PXT1: variants seen among roughly 807,000 people sequenced by gnomAD.
PXT1 encodes the protein peroxisomal testis enriched protein 1.
In PXT1, 11 loss-of-function variants were observed where a neutral mutation model predicts 11.0. The ratio of observed to expected loss-of-function variants is 1.00; its 90% CI spans 0.63 to 1.66. The LOEUF (loss-of-function observed/expected upper bound fraction) is 1.66. PXT1 is among the 40% of genes most tolerant of loss of function. The pLI is 0.00. For synonymous variants in PXT1, 43 were observed against 51.4 expected, an observed-to-expected ratio of 0.84 and a Z score of 0.70; for missense variants, 141 against 155.5, an observed-to-expected ratio of 0.91 and a Z score of 0.49.
chr6:36,434,468 GA>G (rs1282387500), intron 2 of PXT1, among the ~76,000 whole-genome samples: 2 of 152,262 alleles, frequency 1.3e-5, no homozygotes, highest in East Asian at 1.9e-4. Flanking sequence ...ATGTCTCTAA[GA>G]ATTGTGGCCT....
chr6:36,442,375 A>T (rs1338094296), intron 1 of PXT1, among the ~76,000 whole-genome samples, 160 bp downstream of exon 1: 1 of 152,162 alleles, frequency 6.6e-6, no homozygotes, highest in East Asian at 1.9e-4. Flanking sequence ...CCGTGACAAT[A>T]AGAACTTCCT....
chr6:36,426,622 A>C (rs1450480716), intron 2 of PXT1, among the ~76,000 whole-genome samples: 1 of 152,070 alleles, frequency 6.6e-6, no homozygotes, highest in African/African-American at 2.4e-5. Context: ...CGCCTGCCTC[A>C]GCCTCCCAAA....
intron 2 of PXT1, among the ~76,000 whole-genome samples, 183 bp downstream of exon 2, chr6:36,438,584 G>A (rs776838055): frequency 2.8e-4 from 43 of 152,068 alleles, no homozygotes; most frequent in Non-Finnish European, 4.4e-4. Flanking sequence ...CACCACGCCC[G>A]GCTAATTGTT....
intron 3 of PXT1, among the ~76,000 whole-genome samples, chr6:36,403,062 G>T (rs544415110): frequency 2.0e-5 from 3 of 151,496 alleles, no homozygotes; most frequent in South Asian, 2.1e-4. Flanking sequence ...GTTTCACCAT[G>T]TTGGCCGGAG....
At chr6:36,408,637 G>C (rs1230049434) in intron 3 of PXT1, among the ~76,000 whole-genome samples, 2 of 150,006 alleles carry the variant, frequency 1.3e-5, no homozygotes, top group Non-Finnish European at 3.0e-5. Context: ...AGGCTGTTGG[G>C]GGAGGATCCC....
chr6:36,424,861 A>G (rs1339187135), intron 3 of PXT1, among the ~76,000 whole-genome samples: 1 of 152,082 alleles, frequency 6.6e-6, no homozygotes, highest in Non-Finnish European at 1.5e-5. Context: ...CCGGGCATGC[A>G]GTGAACCGAG....
intron 3 of PXT1, among the ~76,000 whole-genome samples, chr6:36,424,915 A>G (rs186573314): frequency 6.6e-6 from 1 of 152,194 alleles, no homozygotes; most frequent in African/African-American, 2.4e-5. Flanking sequence ...GTGAGACTCT[A>G]TCTCAAAAAA....
At chr6:36,431,063 C>T (rs746021150) in intron 2 of PXT1, among the ~76,000 whole-genome samples, 2 of 152,120 alleles carry the variant, frequency 1.3e-5, no homozygotes, top group East Asian at 1.9e-4. Flanking sequence ...TGATACACCC[C>T]CCTCGGCCTC....
At chr6:36,437,320 T>A (rs1774779906) in intron 2 of PXT1, among the ~76,000 whole-genome samples, 1 of 151,456 alleles carries the variant, frequency 6.6e-6, no homozygotes, top group Non-Finnish European at 1.5e-5. Context: ...AAAACCCAAA[T>A]TTAATAGGTA....
At chr6:36,441,573 G>GA (rs1774865494) in intron 1 of PXT1, among the ~76,000 whole-genome samples, 1 of 152,136 alleles carries the variant, frequency 6.6e-6, no homozygotes, top group African/African-American at 2.4e-5. Context: ...GAAGTGCTGG[G>GA]AGGGCAGAGC....
At chr6:36,428,027 G>GGGCA (rs1223995421) in intron 2 of PXT1, among the ~76,000 whole-genome samples, 9 of 152,250 alleles carry the variant, frequency 5.9e-5, no homozygotes, top group Admixed American at 5.9e-4. Context: ...TTAGTGCCTT[G>GGGCA]GGCAGCCTGG....
At chr6:36,423,451 G>T (rs1367198754) in intron 3 of PXT1, among the ~76,000 whole-genome samples, 1 of 152,236 alleles carries the variant, frequency 6.6e-6, no homozygotes, top group Non-Finnish European at 1.5e-5. Context: ...GGTCACGTGG[G>T]CCAGCTGTGG....
At chr6:36,407,038 G>A (rs1193676767) in intron 3 of PXT1, among the ~76,000 whole-genome samples, 1 of 152,104 alleles carries the variant, frequency 6.6e-6, no homozygotes, top group Non-Finnish European at 1.5e-5. Context: ...TAAAACTGTA[G>A]GAGTATATGT....
intron 2 of PXT1, among the ~76,000 whole-genome samples, chr6:36,430,104 G>T (rs1774671354): frequency 6.6e-6 from 1 of 151,980 alleles, no homozygotes; most frequent in Non-Finnish European, 1.5e-5. Flanking sequence ...CTACTTGGGA[G>T]GCTGAGGCAG....
rs950638797 is a variant in PXT1, at chr6:36,406,848, C to T, written c.170-6264G>A. On this transcript the variant is annotated intron_variant, in intron 3 of 4. Transcript: ENST00000454782. ...AAAAGACTCAAGAAAGACTGGGCCCCAGCGCCAGCCTGCCTCAGAGCCCAA... is the reference window on the plus strand; with the variant it reads ...AAAAGACTCAAGAAAGACTGGGCCCTAGCGCCAGCCTGCCTCAGAGCCCAA... 1.3e-5 allele frequency among the ~76,000 whole-genome samples: 2 copies of T among 151,668 alleles called. 1 individual carries two copies. Among genetic ancestry groups the T allele is most frequent in the Middle Eastern group, 6.8e-3 (2 of 294 alleles).
chr6:36,425,804 A>AACAAACAAACAAAC (rs534611605), intron 3 of PXT1, 110 bp downstream of exon 3: 31 of 239,452 alleles, frequency 1.3e-4, no homozygotes, highest in African/African-American at 8.8e-4. Context: ...CAAAAACAAA[A>AACAAACAAACAAAC]AATATATATA....
chr6:36,440,230 T>C (rs942581902), intron 1 of PXT1, among the ~76,000 whole-genome samples: 2 of 152,254 alleles, frequency 1.3e-5, no homozygotes, highest in East Asian at 3.8e-4. Flanking sequence ...TAGCTTTTTG[T>C]ATGACAATTT....
At chr6:36,417,231 C>T (rs1774461549) in intron 3 of PXT1, among the ~76,000 whole-genome samples, 1 of 151,896 alleles carries the variant, frequency 6.6e-6, no homozygotes, top group South Asian at 2.1e-4. Flanking sequence ...CCTGTAATCC[C>T]AGCTACTCAG....
At chr6:36,420,598 AAG>A (rs1426318468) in intron 3 of PXT1, among the ~76,000 whole-genome samples, 6 of 152,198 alleles carry the variant, frequency 3.9e-5, no homozygotes, top group Admixed American at 2.6e-4. Flanking sequence ...ACAAGAATGA[AAG>A]AGAGAGTCTT....
Sources: allele counts gnomAD v4.1 joint callset (sites outside exome capture counted in the v4.1 genomes callset), GRCh38; gene constraint gnomAD v4.1.1; transcripts MANE v1.5; gene names NCBI Gene and HGNC (gene_info 2026-07-23, HGNC 2026-07-21).